The following WDFY3 variants were observed in gnomAD, a reference collection of about 807,000 sequenced individuals.
The protein encoded by WDFY3 is WD repeat and FYVE domain containing 3.
A neutral mutation model predicts 409.6 loss-of-function variants in WDFY3; 66 were observed. The ratio of observed to expected loss-of-function variants is 0.16; its 90% CI spans 0.13 to 0.20. WDFY3 has a LOEUF of 0.20. Ranked by LOEUF, WDFY3 falls within the 10% of genes least tolerant of loss-of-function variation. WDFY3 has a pLI of 1.00. For missense variants in WDFY3, 3,031 were observed against 4,298.1 expected (o/e 0.71, Z 8.24); for synonymous variants, 1,521 against 1,537.1 (o/e 0.99, Z 0.25).
At position 84,821,268 on chromosome 4, in the gene WDFY3, G is replaced by A. The variant is rs1754016727; in HGVS notation, c.1407C>T (p.Leu469=). Reference sequence around the variant, plus strand: ...AGTGATAAGAAGAGCTAGATTTTAAGAGGATACTGACACTAATAAGTTCTT... The same window carrying A: ...AGTGATAAGAAGAGCTAGATTTTAAAAGGATACTGACACTAATAAGTTCTT... ...PCKELISVSI[L]LKSSSSYHCS... Residue 469 remains leucine, a synonymous_variant, in exon 11 of 68, where the codon CTC becomes CTT. Transcript: ENST00000295888. 3.1e-6 allele frequency: 5 copies of A among 1,613,610 alleles called. No individual in the cohort carries two copies. The South Asian group carries it at 5.5e-5, about 18-fold the overall frequency.
chr4:84,690,799 G>T, intron 60 of WDFY3, 135 bp from the exon 61 acceptor site: 2 of 1,106,240 alleles, frequency 1.8e-6, no homozygotes, highest in African/African-American at 1.6e-5. Flanking sequence ...GCTAGCTTTA[G>T]TTCAGAAGCA....
chr4:84,830,863 C>T (rs1338646336), intron 8 of WDFY3, among the ~76,000 whole-genome samples: 1 of 152,068 alleles, frequency 6.6e-6, no homozygotes, highest in Non-Finnish European at 1.5e-5. Flanking sequence ...ATTGAATTTA[C>T]ACAACAATGA....
Position 84,765,733 on chromosome 4 carries a change from A to G in WDFY3, c.5188+77T>C, listed in dbSNP as rs1040258320. 29 of 1,248,316 alleles carry G rather than the reference A, an allele frequency of 2.3e-5. No individual in the cohort carries two copies. The Middle Eastern group carries it at 1.6e-3, about 70-fold the overall frequency. The allele number at this position is 1,248,316 out of a possible 1,614,324, so 77.3% of individuals were successfully genotyped here. A position where few individuals can be genotyped will look rare whatever the true frequency, so the allele number is the denominator to read the frequency against. On this transcript the variant is annotated intron_variant, in intron 32 of 67. Transcript: ENST00000295888. ...CTTAATGGTGATCAAACCGCAGAGGATAAGTTTACATAAAATTTAAAATAA... is the reference window on the plus strand; with the variant it reads ...CTTAATGGTGATCAAACCGCAGAGGGTAAGTTTACATAAAATTTAAAATAA...
In WDFY3 at chr4:84,803,457, G is replaced by A. The variant is rs1486805885; in HGVS notation, c.2440C>T (p.His814Tyr). 1.9e-6 allele frequency: 3 copies of A among 1,610,896 alleles called. No individual in the cohort carries two copies. Among genetic ancestry groups the A allele is most frequent in the East Asian group, 2.2e-5 (1 of 44,832 alleles). ...TAAACAGGGGGAGTTGAAACAGAAT[G>A]ATATGCATGCCTATAAAAAAAGAAA... is the stretch of plus-strand genomic sequence containing the variant. ...PALSRKRHAY[H>Y]SVSTPPVYPP... Residue 814 changes from histidine to tyrosine, a missense_variant, in exon 16 of 68, where the codon CAT (histidine) becomes TAT (tyrosine). Transcript: ENST00000295888.
chr4:84,923,239 T>C lies in WDFY3; in HGVS notation c.-132+9031A>G, dbSNP rs116845945. On this transcript the variant is annotated intron_variant, in intron 2 of 67. Coordinates refer to ENST00000295888, the MANE Select transcript of WDFY3 (RefSeq NM_014991.6). ...GGAGATGAAATTCCCATGTGAAAGA[T>C]GCCCTTCCTATACTACAAAGAAAAC... 9.2e-5 allele frequency among the ~76,000 whole-genome samples: 14 copies of C among 152,340 alleles called. No individual in the cohort carries two copies. The East Asian group carries it at 2.1e-3, about 23-fold the overall frequency.
intron 2 of WDFY3, among the ~76,000 whole-genome samples, chr4:84,898,010 C>G (rs1765862866): frequency 6.6e-6 from 1 of 152,136 alleles, no homozygotes; most frequent in Non-Finnish European, 1.5e-5. Context: ...TTCACAAAAC[C>G]TCTTTTATAG....
chr4:84,855,758 G>A (rs767238008), intron 4 of WDFY3, among the ~76,000 whole-genome samples: 23 of 152,206 alleles, frequency 1.5e-4, no homozygotes, highest in Non-Finnish European at 2.4e-4. Flanking sequence ...GCATTATTTC[G>A]TATGGTAAAT....
chr4:84,821,431 T>C lies in WDFY3; in HGVS notation c.1244A>G (p.Asn415Ser), dbSNP rs762283568. Residue 415 changes from asparagine to serine, a missense_variant, in exon 11 of 68, where the codon AAT becomes AGT. Physicochemically the swap from Asn to Ser is conservative, Grantham distance 46. This residue lies in a region of WDFY3 where 1,322 missense variants were observed against 1,697.9 expected (regional missense o/e 0.78). Coordinates refer to ENST00000295888, the MANE Select transcript of WDFY3 (RefSeq NM_014991.6). ...TGACTCTAGGATGAAGTAATTGGCATTGTCAGCCATGTAAATATTTGTGAT... is the reference window on the plus strand; with the variant it reads ...TGACTCTAGGATGAAGTAATTGGCACTGTCAGCCATGTAAATATTTGTGAT... ...DAITNIYMAD[N>S]ANYFILESQH... is the part of the protein sequence containing the mutation. 11 of 1,613,822 alleles carry C rather than the reference T, an allele frequency of 6.8e-6. No homozygotes were observed. Among genetic ancestry groups the C allele is most frequent in the Admixed American group, 3.3e-5 (2 of 59,954 alleles).
At chr4:84,747,134 G>C (rs1455155137) in intron 36 of WDFY3, among the ~76,000 whole-genome samples, 1 of 152,130 alleles carries the variant, frequency 6.6e-6, no homozygotes, top group African/African-American at 2.4e-5. Flanking sequence ...TGTTTTCCTG[G>C]TGAAAACAGC....
chr4:84,814,758 T>G (rs933366875), intron 13 of WDFY3, among the ~76,000 whole-genome samples: 2 of 152,192 alleles, frequency 1.3e-5, no homozygotes, highest in Non-Finnish European at 1.5e-5. Context: ...TTATTGGTTA[T>G]TGTTGTTAAT....
intron 12 of WDFY3, 38 bp from the exon 13 acceptor site, chr4:84,817,623 T>C: frequency 6.5e-7 from 1 of 1,533,120 alleles, no homozygotes; most frequent in African/African-American, 1.4e-5. Flanking sequence ...ATGGCTACTT[T>C]AAAATATTCT....
chr4:84,961,237 T>C (rs1402877513), intron 1 of WDFY3, among the ~76,000 whole-genome samples: 1 of 151,776 alleles, frequency 6.6e-6, no homozygotes, highest in Non-Finnish European at 1.5e-5. Context: ...AAAAAGATTT[T>C]GATACTGTGG....
At chr4:84,745,577 G>T (rs921035358) in intron 36 of WDFY3, among the ~76,000 whole-genome samples, 3 of 152,086 alleles carry the variant, frequency 2.0e-5, no homozygotes, top group African/African-American at 7.2e-5. Flanking sequence ...AACCAAAATT[G>T]TAAGGAAAAT....
intron 3 of WDFY3, among the ~76,000 whole-genome samples, chr4:84,876,916 G>T (rs1171198320): frequency 1.3e-5 from 2 of 152,110 alleles, no homozygotes; most frequent in African/African-American, 2.4e-5. Flanking sequence ...TTAATCATTT[G>T]TTCTAAATTG....
intron 6 of WDFY3, among the ~76,000 whole-genome samples, chr4:84,838,635 G>A (rs1756917411): frequency 6.6e-6 from 1 of 152,116 alleles, no homozygotes; most frequent in South Asian, 2.1e-4. Context: ...ACTATCCCTG[G>A]CAAGATGTGG....
chr4:84,825,233 A>G (rs1471512737), intron 10 of WDFY3, among the ~76,000 whole-genome samples: 6 of 152,166 alleles, frequency 3.9e-5, no homozygotes, highest in Non-Finnish European at 5.9e-5. Context: ...ACCAAATGAA[A>G]CAACAATAAA....
intron 25 of WDFY3, among the ~76,000 whole-genome samples, chr4:84,782,360 A>C (rs913297950): frequency 1.4e-5 from 2 of 143,694 alleles, no homozygotes; most frequent in African/African-American, 5.2e-5. Flanking sequence ...GACAAGAGGG[A>C]AACAGTGCAA....
At chr4:84,676,594 T>C (rs1254511344) in intron 67 of WDFY3, among the ~76,000 whole-genome samples, 1 of 139,114 alleles carries the variant, frequency 7.2e-6, no homozygotes. Flanking sequence ...CTGATAAAAA[T>C]AGAAAAAAAA....
intron 44 of WDFY3, among the ~76,000 whole-genome samples, chr4:84,731,277 C>T (rs975297227): frequency 6.6e-6 from 1 of 152,154 alleles, no homozygotes; most frequent in Non-Finnish European, 1.5e-5. Flanking sequence ...ATAATAGATA[C>T]TACCACTTTT....
Sources: allele counts gnomAD v4.1 joint callset (sites outside exome capture counted in the v4.1 genomes callset), GRCh38; gene constraint gnomAD v4.1.1; regional missense constraint gnomAD v4.1.1; transcripts MANE v1.5; gene names NCBI Gene and HGNC (gene_info 2026-07-23, HGNC 2026-07-21).